The following DCC variants were observed in gnomAD, a reference collection of about 807,000 sequenced individuals.
DCC encodes the protein netrin receptor DCC.
In DCC, 58 loss-of-function variants were observed where a neutral mutation model predicts 172.5. The observed-to-expected ratio is 0.34, with a 90% CI of 0.27 to 0.42. The LOEUF (loss-of-function observed/expected upper bound fraction) is 0.42. Ranked by LOEUF, DCC falls within the 10% of genes least tolerant of loss-of-function variation. The probability of loss-of-function intolerance (pLI) is 1.00; values close to 1 mark genes in which losing one functional copy is unlikely to be tolerated. For missense variants in DCC, 1,740 were observed against 1,791.0 expected, an observed-to-expected ratio of 0.97 and a Z score of 0.51; for synonymous variants, 709 against 644.5, an observed-to-expected ratio of 1.10 and a Z score of -1.52.
intron 12 of DCC, among the ~76,000 whole-genome samples, chr18:53,289,661 T>TA (rs200014740): frequency 0.022 from 3,411 of 152,154 alleles, 62 homozygotes; most frequent in Middle Eastern, 0.058. Context: ...CAGACATTAA[T>TA]AAAAAAAGAT....
chr18:53,226,948 A>ATATATATATATATATATTTTTTTTTTT lies in DCC; in HGVS notation c.1911+11352_1911+11353insATATATATATATATATTTTTTTTTTTT. On this transcript the variant is annotated intron_variant, in intron 12 of 28. Transcript: ENST00000442544. ...TGTGTGTGTGTGTATATATATATAT[A>ATATATATATATATATATTTTTTTTTTT]TTTTTTTTTTTTTTTTTTTGAGGCA... Among the ~76,000 whole-genome samples the ATATATATATATATATATTTTTTTTTTT allele has an allele frequency of 1.4e-3, 75 of 52,888 alleles. 1 individual carries two copies. The highest frequency in any genetic ancestry group is 2.5e-3 in the Non-Finnish European group (63 of 24,816). The allele number at this position is 52,888 out of a possible 152,430, so 34.7% of individuals were successfully genotyped here.
At chr18:52,672,736 C>T (rs1035828725) in intron 1 of DCC, among the ~76,000 whole-genome samples, 1 of 148,682 alleles carries the variant, frequency 6.7e-6, no homozygotes, top group African/African-American at 2.5e-5. Context: ...CCCTCTTTAC[C>T]TTTTTTGTCC....
At chr18:52,459,364 A>G (rs1358744440) in intron 1 of DCC, among the ~76,000 whole-genome samples, 3 of 151,944 alleles carry the variant, frequency 2.0e-5, no homozygotes, top group Non-Finnish European at 4.4e-5. Context: ...CTCCACCCTC[A>G]AGTAGGTACC....
chr18:52,888,323 T>A (rs188411112), intron 2 of DCC, among the ~76,000 whole-genome samples: 1 of 152,174 alleles, frequency 6.6e-6, no homozygotes, highest in African/African-American at 2.4e-5. Flanking sequence ...AAACAGTATG[T>A]GGTCTTCTCA....
At chr18:52,904,202 G>A (rs1250116645) in intron 2 of DCC, among the ~76,000 whole-genome samples, 1 of 152,096 alleles carries the variant, frequency 6.6e-6, no homozygotes, top group East Asian at 1.9e-4. Flanking sequence ...TTTTTGCATG[G>A]TATAGCATTA....
chr18:52,489,402 G>A (rs1053009672), intron 1 of DCC, among the ~76,000 whole-genome samples: 1 of 152,070 alleles, frequency 6.6e-6, no homozygotes, highest in African/African-American at 2.4e-5. Flanking sequence ...GTATGATTTT[G>A]ATAGTAAACC....
At chr18:53,032,788 C>T (rs1232101926) in intron 5 of DCC, among the ~76,000 whole-genome samples, 1 of 152,126 alleles carries the variant, frequency 6.6e-6, no homozygotes, top group East Asian at 1.9e-4. Context: ...GTTTGGAGCC[C>T]TGTAGCTGAC....
At chr18:53,234,971 T>G (rs934538068) in intron 12 of DCC, among the ~76,000 whole-genome samples, 1 of 152,186 alleles carries the variant, frequency 6.6e-6, no homozygotes, top group African/African-American at 2.4e-5. Flanking sequence ...CGGACAGTCA[T>G]ATAATTTTTG....
chr18:52,704,550 G>C (rs972577137), intron 1 of DCC, among the ~76,000 whole-genome samples: 4 of 152,286 alleles, frequency 2.6e-5, no homozygotes, highest in East Asian at 1.9e-4. Context: ...GTGATTGAAG[G>C]CTTCCACTGA....
At chr18:52,637,214 C>T (rs2034798716) in intron 1 of DCC, among the ~76,000 whole-genome samples, 1 of 152,142 alleles carries the variant, frequency 6.6e-6, no homozygotes, top group African/African-American at 2.4e-5. Flanking sequence ...ATACCCAAAT[C>T]AAAAGGAACC....
rs761647568 is a variant in DCC, at chr18:53,205,203, T to C, written c.1574-13T>C. 1.2e-6 allele frequency: 2 copies of C among 1,605,312 alleles called. No individual in the cohort carries two copies. Among genetic ancestry groups the C allele is most frequent in the Non-Finnish European group, 8.5e-7 (1 of 1,172,190 alleles). ...ATCACTTTTCTTTCTTTCTTTATTA[T>C]TTTTTTATACAGTGCAAGTTCCAGG... On this transcript the variant is annotated splice_polypyrimidine_tract_variant and intron_variant, in intron 9 of 28. Coordinates refer to ENST00000442544, the MANE Select transcript of DCC (RefSeq NM_005215.4).
intron 9 of DCC, among the ~76,000 whole-genome samples, chr18:53,195,185 A>G (rs1273628693): frequency 3.3e-5 from 5 of 152,220 alleles, no homozygotes; most frequent in Non-Finnish European, 5.9e-5. Flanking sequence ...AGATGTTTCA[A>G]TCCTACCTGA....
At chr18:52,583,280 G>A (rs1361650990) in intron 1 of DCC, among the ~76,000 whole-genome samples, 2 of 152,160 alleles carry the variant, frequency 1.3e-5, no homozygotes, top group Admixed American at 6.5e-5. Flanking sequence ...CTGGAGAGAA[G>A]TATTTCATTT....
intron 3 of DCC, among the ~76,000 whole-genome samples, chr18:52,915,823 C>A (rs947428512): frequency 6.6e-6 from 1 of 151,930 alleles, no homozygotes; most frequent in South Asian, 2.1e-4. Context: ...GATACAAAAC[C>A]ATTTCTATGT....
At chr18:53,391,333 C>A (rs1262915567) in intron 16 of DCC, among the ~76,000 whole-genome samples, 1 of 152,100 alleles carries the variant, frequency 6.6e-6, no homozygotes, top group Non-Finnish European at 1.5e-5. Flanking sequence ...GTAACTAGAT[C>A]TTTTAAGAAG....
intron 1 of DCC, among the ~76,000 whole-genome samples, chr18:52,503,130 C>T (rs1444254628): frequency 6.6e-6 from 1 of 152,094 alleles, no homozygotes; most frequent in East Asian, 1.9e-4. Flanking sequence ...ACATAAACAA[C>T]CACAGCAACA....
At chr18:52,482,725 A>G (rs2144586149) in intron 1 of DCC, among the ~76,000 whole-genome samples, 1 of 152,278 alleles carries the variant, frequency 6.6e-6, no homozygotes, top group South Asian at 2.1e-4. Flanking sequence ...TTGGAACTAC[A>G]TAGATTCTCA....
intron 1 of DCC, among the ~76,000 whole-genome samples, chr18:52,639,091 T>C (rs111384407): frequency 1.6e-4 from 24 of 152,236 alleles, no homozygotes; most frequent in African/African-American, 4.3e-4. Flanking sequence ...AAGATGGAAA[T>C]TTAAAAATTC....
intron 7 of DCC, among the ~76,000 whole-genome samples, chr18:53,095,792 C>CT (rs71175552): frequency 0.035 from 4,384 of 126,116 alleles, 290 homozygotes; most frequent in African/African-American, 0.12. Flanking sequence ...ATATGGATAT[C>CT]TTTTTTTTTT....
Sources: allele counts gnomAD v4.1 joint callset (sites outside exome capture counted in the v4.1 genomes callset), GRCh38; gene constraint gnomAD v4.1.1; transcripts MANE v1.5; gene names NCBI Gene and HGNC (gene_info 2026-07-23, HGNC 2026-07-21).